The following CAMTA1 variants were observed in gnomAD, a reference collection of about 807,000 sequenced individuals.
CAMTA1 encodes calmodulin binding transcription activator 1, also known as calmodulin-binding transcription activator 1.
Under a neutral mutation model 170.9 loss-of-function variants are expected in CAMTA1, and 27 were observed. That is an observed-to-expected ratio of 0.16 (90% CI 0.12 to 0.22). The LOEUF is 0.22. Among genes scored for constraint, CAMTA1 ranks in the 10% least tolerant of loss-of-function variants. CAMTA1 has a pLI of 1.00. For missense variants in CAMTA1, 1,619 were observed against 2,217.2 expected (o/e 0.73, Z 5.42); for synonymous variants, 833 against 891.5 (o/e 0.93, Z 1.17).
In CAMTA1 at chr1:6,936,373, C is replaced by T. The variant is rs114989813; in HGVS notation, c.234+111163C>T. Reference sequence around the variant, plus strand: ...AAATGAAATACAATCACTGGTTTAGCAGTTAGGATTCAGGGAGGAGAGATG... The same window carrying T: ...AAATGAAATACAATCACTGGTTTAGTAGTTAGGATTCAGGGAGGAGAGATG... On this transcript the variant is annotated intron_variant, in intron 3 of 22. Coordinates refer to ENST00000303635, the MANE Select transcript of CAMTA1 (RefSeq NM_015215.4). Among the ~76,000 whole-genome samples the T allele has an allele frequency of 7.6e-3, 1,161 of 152,210 alleles. 15 individuals carry two copies. Among genetic ancestry groups the T allele is most frequent in the African/African-American group, 0.026 (1,068 of 41,532 alleles).
chr1:7,744,780 G>T (rs2096845304), intron 16 of CAMTA1, 55 bp from the exon 17 acceptor site: 1 of 1,515,024 alleles, frequency 6.6e-7, no homozygotes, highest in African/African-American at 1.4e-5. Flanking sequence ...GGTAGACCTG[G>T]ATAACTTGTA....
chr1:7,202,407 A>G (rs1656878402), intron 4 of CAMTA1, among the ~76,000 whole-genome samples: 1 of 152,178 alleles, frequency 6.6e-6, no homozygotes, highest in South Asian at 2.1e-4. Flanking sequence ...AATCAGCTTG[A>G]CAATATCTAC....
intron 4 of CAMTA1, among the ~76,000 whole-genome samples, chr1:7,165,024 A>C (rs1368124531): frequency 6.6e-6 from 1 of 152,238 alleles, no homozygotes; most frequent in African/African-American, 2.4e-5. Flanking sequence ...AATGTAGCTG[A>C]AAAATGTTGA....
chr1:7,220,312 A>C (rs1471691673), intron 4 of CAMTA1, among the ~76,000 whole-genome samples: 1 of 152,168 alleles, frequency 6.6e-6, no homozygotes, highest in African/African-American at 2.4e-5. Context: ...CTCGAAGGAC[A>C]GGGAAAACCT....
chr1:7,225,638 C>A (rs1661570684), intron 4 of CAMTA1, among the ~76,000 whole-genome samples: 1 of 152,198 alleles, frequency 6.6e-6, no homozygotes, highest in Admixed American at 6.5e-5. Context: ...TGACAGCTAC[C>A]CCAGAGGAAA....
intron 7 of CAMTA1, among the ~76,000 whole-genome samples, chr1:7,655,112 ACC>A (rs2095880165): frequency 2.1e-5 from 1 of 47,854 alleles, no homozygotes. Flanking sequence ...CTATACACAC[ACC>A]TATACACACA....
chr1:6,872,007 A>C (rs1423904019), intron 3 of CAMTA1: 1 of 1,187,192 alleles, frequency 8.4e-7, no homozygotes, highest in East Asian at 3.4e-5. Context: ...AATTCATTTC[A>C]GTTTTAAAAT....
intron 3 of CAMTA1, among the ~76,000 whole-genome samples, chr1:6,856,843 C>G (rs916646139): frequency 6.6e-6 from 1 of 151,964 alleles, no homozygotes; most frequent in African/African-American, 2.4e-5. Flanking sequence ...GAAGAATGAT[C>G]TAGATGGAGG....
At chr1:6,792,589 T>C (rs1641427493) in intron 1 of CAMTA1, among the ~76,000 whole-genome samples, 1 of 152,144 alleles carries the variant, frequency 6.6e-6, no homozygotes, top group Non-Finnish European at 1.5e-5. Flanking sequence ...TTCTGGAGGA[T>C]TGTTCATTTA....
At chr1:7,454,287 G>A (rs2092900918) in intron 5 of CAMTA1, among the ~76,000 whole-genome samples, 1 of 152,198 alleles carries the variant, frequency 6.6e-6, no homozygotes, top group African/African-American at 2.4e-5. Context: ...CTATTAGGAG[G>A]ATCCTGCTGT....
intron 6 of CAMTA1, among the ~76,000 whole-genome samples, chr1:7,611,811 G>A (rs565463936): frequency 1.1e-4 from 16 of 152,356 alleles, no homozygotes; most frequent in East Asian, 9.6e-4. Context: ...CTGGGGGACC[G>A]CCTGGAGCTT....
intron 5 of CAMTA1, among the ~76,000 whole-genome samples, chr1:7,444,056 C>T (rs1422599078): frequency 8.5e-5 from 13 of 152,206 alleles, no homozygotes; most frequent in African/African-American, 3.1e-4. Flanking sequence ...AGGGAAAAGT[C>T]AGATTCCCTC....
intron 3 of CAMTA1, among the ~76,000 whole-genome samples, chr1:6,902,780 G>A (rs947320786): frequency 6.6e-6 from 1 of 152,204 alleles, no homozygotes; most frequent in Non-Finnish European, 1.5e-5. Flanking sequence ...TCTATTATTA[G>A]AGTGGCTAAA....
chr1:7,577,915 A>G (rs1040331255), intron 6 of CAMTA1, among the ~76,000 whole-genome samples: 2 of 152,180 alleles, frequency 1.3e-5, no homozygotes, highest in African/African-American at 4.8e-5. Context: ...CTAGATCATC[A>G]TTTTCAAAAC....
intron 3 of CAMTA1, among the ~76,000 whole-genome samples, chr1:6,991,977 C>T (rs577513927): frequency 6.6e-6 from 1 of 152,328 alleles, no homozygotes; most frequent in Non-Finnish European, 1.5e-5. Context: ...GCTGGGATTA[C>T]AGGCGTGAGC....
intron 6 of CAMTA1, among the ~76,000 whole-genome samples, chr1:7,594,064 G>A (rs1182630545): frequency 1.4e-5 from 2 of 142,270 alleles, no homozygotes; most frequent in African/African-American, 5.7e-5. Flanking sequence ...AAAGAGAGAG[G>A]GAGGGAGGGA....
intron 3 of CAMTA1, among the ~76,000 whole-genome samples, chr1:6,894,140 TATGA>T (rs1212712862): frequency 6.6e-6 from 1 of 152,088 alleles, no homozygotes; most frequent in African/African-American, 2.4e-5. Context: ...TGGTGTGACA[TATGA>T]ATGAACTTAT....
intron 5 of CAMTA1, among the ~76,000 whole-genome samples, chr1:7,406,617 C>T (rs887840034): frequency 5.3e-5 from 8 of 152,076 alleles, no homozygotes; most frequent in African/African-American, 1.9e-4. Flanking sequence ...TACACACACA[C>T]ACATGCATGC....
At chr1:7,160,229 A>G (rs1313270625) in intron 4 of CAMTA1, among the ~76,000 whole-genome samples, 2 of 151,924 alleles carry the variant, frequency 1.3e-5, no homozygotes, top group Admixed American at 6.6e-5. Flanking sequence ...AGTCTGGGCA[A>G]CTCCATCTCA....
Sources: allele counts gnomAD v4.1 joint callset (sites outside exome capture counted in the v4.1 genomes callset), GRCh38; gene constraint gnomAD v4.1.1; transcripts MANE v1.5; gene names NCBI Gene and HGNC (gene_info 2026-07-23, HGNC 2026-07-21).